The following CR1 variants were observed in gnomAD, a reference collection of about 807,000 sequenced individuals.
CR1 encodes complement C3b/C4b receptor 1 (Knops blood group).
CR1 carries 116 observed loss-of-function variants against 187.3 expected under a neutral mutation model. The observed-to-expected ratio is 0.62, with a 90% CI of 0.53 to 0.72. The LOEUF (loss-of-function observed/expected upper bound fraction) is 0.72, where lower values mean the gene tolerates loss of function less well. CR1 is among the 30% of genes least tolerant of loss of function. The probability of loss-of-function intolerance (pLI) is 0.00; values close to 1 mark genes in which losing one functional copy is unlikely to be tolerated. For missense variants in CR1, 1,731 were observed against 2,110.7 expected (o/e 0.82, Z 3.52); for synonymous variants, 576 against 747.1 (o/e 0.77, Z 3.73).
chr1:207,567,265 G>GTTT (rs199637674), intron 24 of CR1, among the ~76,000 whole-genome samples: 9 of 138,100 alleles, frequency 6.5e-5, no homozygotes, highest in Non-Finnish European at 1.1e-4. Context: ...TCCATTTGGA[G>GTTT]TTTTTTTTTT....
chr1:207,623,911 CTTTTTTTTTTTTTTTTT>C (rs71154830), intron 45 of CR1, among the ~76,000 whole-genome samples: 1 of 52,452 alleles, frequency 1.9e-5, no homozygotes, highest in African/African-American at 7.1e-5. Flanking sequence ...ACACCATTAA[CTTTTTTTTTTTTTTTTT>C]TTTTTTTTTT....
At chr1:207,521,765 C>G (rs970786714) in intron 4 of CR1, among the ~76,000 whole-genome samples, 11 of 145,786 alleles carry the variant, frequency 7.5e-5, no homozygotes, top group African/African-American at 2.8e-4. Context: ...ACCTGAGTAG[C>G]TGGGAATGCA....
intron 3 of CR1, among the ~76,000 whole-genome samples, chr1:207,510,381 A>G (rs1279776984): frequency 5.9e-5 from 9 of 152,194 alleles, no homozygotes; most frequent in Non-Finnish European, 1.2e-4. Context: ...TTGTTGTTTG[A>G]ATAAAGCTTT....
At chr1:207,611,584 A>G (rs1237436976) in intron 37 of CR1, 93 bp from the exon 38 acceptor site, 3 of 1,539,182 alleles carry the variant, frequency 1.9e-6, no homozygotes, top group Non-Finnish European at 2.6e-6. Flanking sequence ...TGCACTCTGC[A>G]ATGACGATTT....
intron 4 of CR1, among the ~76,000 whole-genome samples, chr1:207,522,493 G>A (rs749038806): frequency 4.6e-5 from 7 of 152,176 alleles, no homozygotes; most frequent in South Asian, 4.1e-4. Flanking sequence ...CAGTTGCCCC[G>A]TCCTGATTCA....
intron 42 of CR1, among the ~76,000 whole-genome samples, chr1:207,619,461 A>G (rs1045432129): frequency 6.6e-5 from 10 of 152,142 alleles, no homozygotes; most frequent in Non-Finnish European, 2.9e-5. Flanking sequence ...TCTTTGTTCT[A>G]TGTGCAGAAA....
intron 4 of CR1, among the ~76,000 whole-genome samples, chr1:207,519,640 A>G (rs1341324677): frequency 1.3e-5 from 2 of 152,246 alleles, no homozygotes; most frequent in Non-Finnish European, 1.5e-5. Flanking sequence ...CAAAAAGAAA[A>G]GCTTCAGCTG....
chr1:207,584,649 A>G lies in CR1; in HGVS notation c.5303A>G (p.His1768Arg), dbSNP rs758153459. 3 of 1,612,890 alleles carry G rather than the reference A, an allele frequency of 1.9e-6. No individual in the cohort carries two copies. The highest frequency in any genetic ancestry group is 1.3e-5 in the African/African-American group (1 of 74,816). Reference protein sequence around the residue: ...LWNNSVPVCEHIFCPNPPAIL... With the variant: ...LWNNSVPVCERIFCPNPPAIL... ...TTGAGAGCTCTTGTTTTCTTTCTAG[A>G]TATCTTTTGTCCAAATCCTCCAGCT... The change falls in exon 33 of 47, where the codon CAT becomes CGT. Residue 1768 changes from histidine (H) to arginine (R), a missense_variant and splice_region_variant. Coordinates refer to ENST00000367049, the MANE Select transcript of CR1 (RefSeq NM_000651.6).
intron 23 of CR1, among the ~76,000 whole-genome samples, chr1:207,565,559 T>G (rs532904047): frequency 6.7e-6 from 1 of 150,144 alleles, no homozygotes; most frequent in Non-Finnish European, 1.5e-5. Context: ...TCAGTGAAAC[T>G]CCAAGCCTGG....
At chr1:207,627,996 G>T (rs1209083903) in intron 45 of CR1, among the ~76,000 whole-genome samples, 2 of 152,018 alleles carry the variant, frequency 1.3e-5, no homozygotes, top group South Asian at 2.1e-4. Flanking sequence ...CTTCTCAAAG[G>T]TCTCACCTTT....
chr1:207,579,014 G>C (rs1211775370), intron 29 of CR1, among the ~76,000 whole-genome samples: 1 of 152,226 alleles, frequency 6.6e-6, no homozygotes, highest in East Asian at 1.9e-4. Flanking sequence ...TAAGTCAAGA[G>C]TGAAAGTAAC....
chr1:207,621,662 A>G (rs756951140), intron 43 of CR1, among the ~76,000 whole-genome samples: 33 of 152,348 alleles, frequency 2.2e-4, no homozygotes, highest in African/African-American at 6.3e-4. Context: ...GAAAACACAC[A>G]TATAAGGAAA....
Position 207,584,881 on chromosome 1 carries a change from G to A in CR1, c.5530+5G>A. On this transcript the variant is annotated splice_donor_5th_base_variant and intron_variant, in intron 33 of 46. Coordinates refer to ENST00000367049, the MANE Select transcript of CR1 (RefSeq NM_000651.6). ...GTGAACTTTCTGTTCGTGCTGGTCAGTATCCACTTCCACATATCCTAAATG... is the reference window on the plus strand; with the variant it reads ...GTGAACTTTCTGTTCGTGCTGGTCAATATCCACTTCCACATATCCTAAATG... The A allele has an allele frequency of 6.2e-7, 1 of 1,613,898 alleles. No homozygotes were observed. The highest frequency in any genetic ancestry group is 2.2e-5 in the East Asian group (1 of 44,876).
In CR1 at chr1:207,629,314, C is replaced by A. The variant is rs550325510; in HGVS notation, c.7353-1203C>A. Among the ~76,000 whole-genome samples the A allele has an allele frequency of 2.6e-5, 4 of 152,226 alleles. No homozygotes were observed. In the East Asian group the frequency reaches 7.7e-4, roughly 29 times the overall value. On this transcript the variant is annotated intron_variant, in intron 45 of 46. Coordinates refer to ENST00000367049, the MANE Select transcript of CR1 (RefSeq NM_000651.6). ...TGAATTTTCCTATGTTCACATTAAC[C>A]ACCAGTAACTAACCAAATAGCTCTT...
At chr1:207,590,394 A>G (rs1661236530) in intron 35 of CR1, among the ~76,000 whole-genome samples, 1 of 152,244 alleles carries the variant, frequency 6.6e-6, no homozygotes, top group Non-Finnish European at 1.5e-5. Context: ...AAAATCCTTT[A>G]CAGACAAGCA....
At chr1:207,500,404 T>A (rs2102330294) in intron 1 of CR1, among the ~76,000 whole-genome samples, 1 of 152,302 alleles carries the variant, frequency 6.6e-6, no homozygotes, top group South Asian at 2.1e-4. Context: ...GTATGCAGAA[T>A]GGAAAGCAGA....
At chr1:207,500,415 G>A (rs946844986) in intron 1 of CR1, among the ~76,000 whole-genome samples, 1 of 152,204 alleles carries the variant, frequency 6.6e-6, no homozygotes, top group African/African-American at 2.4e-5. Flanking sequence ...GGAAAGCAGA[G>A]TGTTCTTTGG....
chr1:207,510,186 G>T (rs1427521172), intron 3 of CR1, among the ~76,000 whole-genome samples: 5 of 151,988 alleles, frequency 3.3e-5, no homozygotes, highest in African/African-American at 1.2e-4. Flanking sequence ...CAGCCTTGGC[G>T]ACAAGAGTGA....
chr1:207,580,539 A>G lies in CR1; in HGVS notation c.5142A>G (p.Gln1714=), dbSNP rs917082671. 1.6e-5 allele frequency: 25 copies of G among 1,609,840 alleles called. No homozygotes were observed. Among genetic ancestry groups the G allele is most frequent in the Non-Finnish European group, 2.0e-5 (24 of 1,178,986 alleles). Residue 1714 remains glutamine (Q), a synonymous_variant, in exon 31 of 47, where the codon CAA becomes CAG. Coordinates refer to ENST00000367049, the MANE Select transcript of CR1 (RefSeq NM_000651.6). ...AVKSCDDFLG[Q]LPHGRVLFPL... ...AATCCTGTGATGACTTCTTGGGTCA[A>G]CTCCCTCATGGCCGTGTGCTATTTC...
Sources: allele counts gnomAD v4.1 joint callset (sites outside exome capture counted in the v4.1 genomes callset), GRCh38; gene constraint gnomAD v4.1.1; transcripts MANE v1.5; gene names NCBI Gene and HGNC (gene_info 2026-07-23, HGNC 2026-07-21).